The following STK32B variants were observed in gnomAD, a reference collection of about 807,000 sequenced individuals.
The protein encoded by STK32B is serine/threonine kinase 32B.
In STK32B, 43 loss-of-function variants were observed where a neutral mutation model predicts 52.6. That is an observed-to-expected ratio of 0.82 (90% CI 0.64 to 1.05). The LOEUF (loss-of-function observed/expected upper bound fraction) is 1.05, where lower values mean the gene tolerates loss of function less well. Among genes scored for constraint, STK32B ranks in the 50% least tolerant of loss-of-function variants. The pLI, the probability that STK32B is intolerant of heterozygous loss-of-function variation, is 0.00. For missense variants in STK32B, 621 were observed against 534.6 expected (o/e 1.16, Z -1.59); for synonymous variants, 238 against 204.3 (o/e 1.17, Z -1.41).
chr4:5,046,783 A>G (rs1741626872), upstream of STK32B, among the ~76,000 whole-genome samples: 2 of 152,218 alleles, frequency 1.3e-5, no homozygotes. Flanking sequence ...CAAAACCACA[A>G]TGAGATACCA....
intron 6 of STK32B, chr4:5,437,767 A>G: frequency 3.6e-6 from 1 of 275,810 alleles, no homozygotes; most frequent in Non-Finnish European, 5.5e-6. Flanking sequence ...GGCACCTGAC[A>G]AATCACGGTT....
intron 3 of STK32B, among the ~76,000 whole-genome samples, chr4:5,292,528 T>G (rs1728953829): frequency 6.6e-6 from 1 of 152,076 alleles, no homozygotes; most frequent in African/African-American, 2.4e-5. Flanking sequence ...TCCTTATAGA[T>G]TCTGAATATT....
intron 4 of STK32B, among the ~76,000 whole-genome samples, chr4:5,377,036 C>T (rs78137399): frequency 0.024 from 3,726 of 152,234 alleles, 158 homozygotes; most frequent in African/African-American, 0.084. Context: ...ACACCCCTGC[C>T]CCCAGCTCTC....
rs1560313298 is a variant in STK32B at position 5,317,216 on chromosome 4, T to TATATATTATATATATAAC, written c.261-13998_261-13997insTATATATATAACATATAT. On this transcript the variant is annotated intron_variant, in intron 3 of 11. Coordinates refer to ENST00000282908, the MANE Select transcript of STK32B (RefSeq NM_018401.3). Reference sequence around the variant, plus strand: ...ACATATATATATTATATATATAACATATATATATTATATATAACATATATA... The same window carrying TATATATTATATATATAAC: ...ACATATATATATTATATATATAACATATATATTATATATATAACATATATATTATATATAACATATATA... 2.3e-3 allele frequency among the ~76,000 whole-genome samples: 128 copies of TATATATTATATATATAAC among 55,646 alleles called. 22 individuals carry two copies. In the East Asian group the frequency reaches 0.024, roughly 10 times the overall value. The allele number at this position is 55,646 out of a possible 152,430, so 36.5% of individuals were successfully genotyped here. A position where few individuals can be genotyped will look rare whatever the true frequency, so the allele number is the denominator to read the frequency against.
chr4:5,445,363 C>T (rs769324890), intron 6 of STK32B, among the ~76,000 whole-genome samples: 59 of 152,172 alleles, frequency 3.9e-4, no homozygotes, highest in Non-Finnish European at 6.2e-4. Flanking sequence ...CAGTATGTGG[C>T]TCCCCGGGGC....
chr4:5,022,961 G>A, the STK32B span, among the ~76,000 whole-genome samples: 10 of 152,090 alleles, frequency 6.6e-5, no homozygotes, highest in Admixed American at 1.3e-4. Flanking sequence ...AGAGCTGAGA[G>A]GTGACGAATG....
intron 1 of STK32B, among the ~76,000 whole-genome samples, chr4:5,086,875 A>G (rs1265636289): frequency 1.3e-5 from 2 of 152,234 alleles, no homozygotes; most frequent in Non-Finnish European, 1.5e-5. Context: ...AAATTAAGAC[A>G]TTTCCAGATA....
intron 3 of STK32B, among the ~76,000 whole-genome samples, chr4:5,184,003 G>A (rs1385118216): frequency 2.0e-5 from 3 of 152,148 alleles, no homozygotes; most frequent in South Asian, 2.1e-4. Flanking sequence ...TCAGCAGTTA[G>A]GCAGTTTCTC....
At chr4:5,148,514 T>G (rs1012398952) in intron 2 of STK32B, among the ~76,000 whole-genome samples, 7 of 151,850 alleles carry the variant, frequency 4.6e-5, no homozygotes, top group African/African-American at 9.7e-5. Flanking sequence ...AGTTATGTGT[T>G]GTTTAACTTC....
rs1476232086 is a variant in STK32B, at chr4:5,446,875, G to A, written c.666+99G>A. On this transcript the variant is annotated intron_variant, in intron 7 of 11. Coordinates refer to ENST00000282908, the MANE Select transcript of STK32B (RefSeq NM_018401.3). Reference sequence around the variant, plus strand: ...GTCGGCAGGGCCCGCGGTGCAGGAAGGAGCACTGGGGGAGTCACTGCCCCC... The same window carrying A: ...GTCGGCAGGGCCCGCGGTGCAGGAAAGAGCACTGGGGGAGTCACTGCCCCC... 4.4e-6 allele frequency: 5 copies of A among 1,129,580 alleles called. No homozygotes were observed. In the African/African-American group the frequency reaches 7.6e-5, roughly 17 times the overall value. The allele number at this position is 1,129,580 out of a possible 1,614,324, so 70.0% of individuals were successfully genotyped here. A position where few individuals can be genotyped will look rare whatever the true frequency, so the allele number is the denominator to read the frequency against.
intron 3 of STK32B, among the ~76,000 whole-genome samples, chr4:5,317,518 TTTA>T (rs1731173203): frequency 9.3e-6 from 1 of 107,228 alleles, no homozygotes; most frequent in Admixed American, 1.2e-4. Flanking sequence ...GTATAATATA[TTTA>T]TTATATATAT....
intron 9 of STK32B, among the ~76,000 whole-genome samples, chr4:5,462,197 G>A (rs776819520): frequency 3.3e-5 from 5 of 151,822 alleles, no homozygotes; most frequent in East Asian, 1.9e-4. Flanking sequence ...GTGCATGCCC[G>A]TGGTGTGTGT....
At chr4:5,456,773 C>A in intron 7 of STK32B, 34 bp from the exon 8 acceptor site, 1 of 1,523,298 alleles carries the variant, frequency 6.6e-7, no homozygotes, top group Non-Finnish European at 8.9e-7. Flanking sequence ...CAATGGCTCT[C>A]TCTCTGATTC....
chr4:5,026,366 G>A, the STK32B span, among the ~76,000 whole-genome samples: 51 of 152,306 alleles, frequency 3.3e-4, no homozygotes, highest in African/African-American at 1.2e-3. Flanking sequence ...TATAGGAAAA[G>A]AGGTTTAATT....
At chr4:5,486,105 C>T (rs549962924) in intron 11 of STK32B, among the ~76,000 whole-genome samples, 16 of 152,162 alleles carry the variant, frequency 1.1e-4, no homozygotes, top group Non-Finnish European at 2.4e-4. Context: ...CCACTACTTT[C>T]GGGGAAGCTG....
intron 3 of STK32B, among the ~76,000 whole-genome samples, chr4:5,279,102 G>A (rs920894620): frequency 2.0e-5 from 3 of 152,102 alleles, no homozygotes; most frequent in Admixed American, 1.3e-4. Context: ...AACCAATCAT[G>A]CCTTGCCGAC....
intron 11 of STK32B, among the ~76,000 whole-genome samples, chr4:5,498,310 T>G (rs1720459286): frequency 6.6e-6 from 1 of 152,210 alleles, no homozygotes. Flanking sequence ...GGTGACCAAG[T>G]GGCCCACTGC....
intron 4 of STK32B, among the ~76,000 whole-genome samples, chr4:5,358,031 C>T (rs1005432750): frequency 2.1e-4 from 32 of 152,164 alleles, no homozygotes; most frequent in African/African-American, 7.2e-4. Context: ...ACAACTTAGT[C>T]ATTTCTGGGC....
chr4:5,020,678 G>C, the STK32B span, among the ~76,000 whole-genome samples: 1 of 152,130 alleles, frequency 6.6e-6, no homozygotes, highest in East Asian at 1.9e-4. Context: ...CTTGCAGGCA[G>C]AGATGAGTTG....
Sources: gnomAD v4.1 joint callset for allele counts (sites outside exome capture counted in the v4.1 genomes callset) on GRCh38, gnomAD v4.1.1 for gene constraint, MANE v1.5 for transcripts, NCBI Gene and HGNC (gene_info 2026-07-23, HGNC 2026-07-21) for gene names.